The following ZC2HC1B variants were observed in gnomAD, a reference collection of about 807,000 sequenced individuals.
ZC2HC1B encodes zinc finger C2HC domain-containing protein 1B.
In ZC2HC1B, 36 loss-of-function variants were observed where a neutral mutation model predicts 31.0. The observed-to-expected ratio is 1.16, with a 90% CI of 0.89 to 1.54. The LOEUF is 1.54. Ranked by LOEUF, ZC2HC1B falls within the 40% of genes most tolerant of loss-of-function variation. The probability of loss-of-function intolerance (pLI) is 0.00; values close to 1 mark genes in which losing one functional copy is unlikely to be tolerated. For synonymous variants in ZC2HC1B, 73 were observed against 88.0 expected, an observed-to-expected ratio of 0.83 and a Z score of 0.95; for missense variants, 260 against 268.6, an observed-to-expected ratio of 0.97 and a Z score of 0.22.
At chr6:143,889,649 C>T (rs1777573943) in intron 4 of ZC2HC1B, among the ~76,000 whole-genome samples, 1 of 152,028 alleles carries the variant, frequency 6.6e-6, no homozygotes, top group Non-Finnish European at 1.5e-5. Context: ...AGTAACAGAG[C>T]TTCTAAGAAT....
chr6:143,926,241 T>C (rs1778040489), intron 6 of ZC2HC1B, among the ~76,000 whole-genome samples: 1 of 152,216 alleles, frequency 6.6e-6, no homozygotes, highest in Admixed American at 6.5e-5. Flanking sequence ...TTTCTACTTC[T>C]TGATATACGC....
At chr6:143,901,542 G>A (rs552863607) in intron 5 of ZC2HC1B, among the ~76,000 whole-genome samples, 1 of 152,218 alleles carries the variant, frequency 6.6e-6, no homozygotes, top group South Asian at 2.1e-4. Flanking sequence ...TTACAGGCAT[G>A]AGACCCCGTG....
rs1777494972 is a variant in ZC2HC1B, at chr6:143,883,553, T to G, written c.29-751T>G. Among the ~76,000 whole-genome samples the G allele has an allele frequency of 6.6e-6, 1 of 152,228 alleles. No individual in the cohort carries two copies. Among genetic ancestry groups the G allele is most frequent in the African/African-American group, 2.4e-5 (1 of 41,462 alleles). On this transcript the variant is annotated intron_variant, in intron 1 of 7. Coordinates refer to ENST00000237275, the MANE Select transcript of ZC2HC1B (RefSeq NM_001013623.3). The surrounding 1 kb of genome is among the most constrained non-coding windows in gnomAD (Gnocchi z 4.1). ...CCTCAAACTGCTTTTTTTATTAACC[T>G]AAGACATCATAGCTTTGATAGAAGT...
In ZC2HC1B at chr6:143,903,555, T is replaced by C. The variant is rs1311446261; in HGVS notation, c.598+403T>C. ...TATGTCCTGATAAGCCCATTGTAAATAGAAATATTATAAGTCAAAAATGCA... is the reference window on the plus strand; with the variant it reads ...TATGTCCTGATAAGCCCATTGTAAACAGAAATATTATAAGTCAAAAATGCA... On this transcript the variant is annotated intron_variant, in intron 6 of 7. Coordinates refer to ENST00000237275, the MANE Select transcript of ZC2HC1B (RefSeq NM_001013623.3). This position sits in a 1 kb window ranked among gnomAD's most constrained non-coding sequence, Gnocchi z 4.3. Among the ~76,000 whole-genome samples the C allele has an allele frequency of 6.6e-6, 1 of 152,200 alleles. No homozygotes were observed. The highest frequency in any genetic ancestry group is 1.5e-5 in the Non-Finnish European group (1 of 68,034).
chr6:143,879,278 T>G (rs1215926590), intron 1 of ZC2HC1B, among the ~76,000 whole-genome samples: 1 of 152,228 alleles, frequency 6.6e-6, no homozygotes, highest in Non-Finnish European at 1.5e-5. Context: ...CTATTAGCTT[T>G]CCAAATTTTA....
intron 1 of ZC2HC1B, among the ~76,000 whole-genome samples, chr6:143,867,839 C>T (rs1267426594): frequency 6.6e-6 from 1 of 152,336 alleles, no homozygotes; most frequent in East Asian, 1.9e-4. Flanking sequence ...GCCCAGCTAT[C>T]ATACTGGGAA....
chr6:143,915,498 G>C lies in ZC2HC1B; in HGVS notation c.598+12346G>C, dbSNP rs1777906713. Among the ~76,000 whole-genome samples, 1 of 152,226 alleles carries C rather than the reference G, an allele frequency of 6.6e-6. No homozygotes were observed. The highest frequency in any genetic ancestry group is 2.1e-4 in the South Asian group (1 of 4,834). On this transcript the variant is annotated intron_variant, in intron 6 of 7. Coordinates refer to ENST00000237275, the MANE Select transcript of ZC2HC1B (RefSeq NM_001013623.3). The surrounding 1 kb of genome is among the most constrained non-coding windows in gnomAD (Gnocchi z 5.2). ...AAATGTGGAAGTGACTTTGGAACAG[G>C]GTAACAGGCAGAGGTTGGAACAGTT... is the stretch of plus-strand genomic sequence containing the variant.
intron 6 of ZC2HC1B, among the ~76,000 whole-genome samples, chr6:143,909,945 T>G (rs1044199512): frequency 6.6e-6 from 1 of 152,222 alleles, no homozygotes; most frequent in Non-Finnish European, 1.5e-5. Context: ...ATTTCTTGTC[T>G]TCTACTAGCT....
Position 143,922,071 on chromosome 6 carries a change from G to A in ZC2HC1B, c.599-15578G>A, listed in dbSNP as rs569364803. The stretch of plus-strand genomic sequence containing the variant: ...TCTCTAAAGTGTTTAAGGACTTGGA[G>A]AAAAGTACCAAATGCCTTTCGTTGA... On this transcript the variant is annotated intron_variant, in intron 6 of 7. Coordinates refer to ENST00000237275, the MANE Select transcript of ZC2HC1B (RefSeq NM_001013623.3). The surrounding 1 kb of genome is among the most constrained non-coding windows in gnomAD (Gnocchi z 5.0). Among the ~76,000 whole-genome samples, 1 of 152,212 alleles carries A rather than the reference G, an allele frequency of 6.6e-6. No individual in the cohort carries two copies. The highest frequency in any genetic ancestry group is 1.5e-5 in the Non-Finnish European group (1 of 68,040).
At position 143,871,740 on chromosome 6, in the gene ZC2HC1B, A is replaced by G. The variant is rs1777339413; in HGVS notation, c.28+7173A>G. Among the ~76,000 whole-genome samples the G allele has an allele frequency of 1.3e-5, 2 of 152,178 alleles. No homozygotes were observed. Among genetic ancestry groups the G allele is most frequent in the Admixed American group, 1.3e-4 (2 of 15,272 alleles). On this transcript the variant is annotated intron_variant, in intron 1 of 7. Transcript: ENST00000237275. This position sits in a 1 kb window ranked among gnomAD's most constrained non-coding sequence, Gnocchi z 4.1. The stretch of plus-strand genomic sequence containing the variant: ...TTTTTGATTTACTATTTTTCTAGGT[A>G]AAGACAGTGCTTATGGCTTCCATTT...
At chr6:143,873,477 C>T (rs930595424) in intron 1 of ZC2HC1B, among the ~76,000 whole-genome samples, 3 of 152,220 alleles carry the variant, frequency 2.0e-5, no homozygotes, top group Admixed American at 1.3e-4. Context: ...TGTGTGGGGG[C>T]TCTACCCCCA....
At position 143,899,119 on chromosome 6, in the gene ZC2HC1B, T is replaced by C. The variant is rs146237156; in HGVS notation, c.489+428T>C. On this transcript the variant is annotated intron_variant, in intron 5 of 7. Transcript: ENST00000237275. The surrounding 1 kb of genome is among the most constrained non-coding windows in gnomAD (Gnocchi z 5.0). Reference sequence around the variant, plus strand: ...TAGAGGAGGGGTCTTCACCTTTTATTTAAAGTCACAGAATCAGCAAGTTAA... The same window carrying C: ...TAGAGGAGGGGTCTTCACCTTTTATCTAAAGTCACAGAATCAGCAAGTTAA... Among the ~76,000 whole-genome samples the C allele has an allele frequency of 6.6e-6, 1 of 152,134 alleles. No individual in the cohort carries two copies. Among genetic ancestry groups the C allele is most frequent in the Non-Finnish European group, 1.5e-5 (1 of 68,024 alleles).
Position 143,918,404 on chromosome 6 carries a change from C to G in ZC2HC1B, c.598+15252C>G, listed in dbSNP as rs1777941978. Reference sequence around the variant, plus strand: ...ATGTTGGCCCACTGTGTTTCATCCTCCATGGTTTCTGATGAGAAGTCTGCT... The same window carrying G: ...ATGTTGGCCCACTGTGTTTCATCCTGCATGGTTTCTGATGAGAAGTCTGCT... On this transcript the variant is annotated intron_variant, in intron 6 of 7. Transcript: ENST00000237275. The surrounding 1 kb of genome is among the most constrained non-coding windows in gnomAD (Gnocchi z 4.1). 6.6e-6 allele frequency among the ~76,000 whole-genome samples: 1 copy of G among 152,136 alleles called. No homozygotes were observed. The highest frequency in any genetic ancestry group is 1.5e-5 in the Non-Finnish European group (1 of 68,026).
intron 1 of ZC2HC1B, among the ~76,000 whole-genome samples, chr6:143,882,406 G>A (rs1777480727): frequency 7.6e-6 from 1 of 132,386 alleles, no homozygotes; most frequent in Non-Finnish European, 1.6e-5. Context: ...AAAAGAACAG[G>A]GAGGGCAAGA....
chr6:143,937,946 T>C (rs907784168), intron 7 of ZC2HC1B, among the ~76,000 whole-genome samples, 196 bp from the exon 8 acceptor site: 10 of 152,224 alleles, frequency 6.6e-5, no homozygotes, highest in African/African-American at 2.4e-4. Context: ...GAAAGGGGAA[T>C]GATCCCTCAC....
chr6:143,902,891 G>A (rs557983684), intron 5 of ZC2HC1B, among the ~76,000 whole-genome samples, 153 bp from the exon 6 acceptor site: 3 of 152,296 alleles, frequency 2.0e-5, no homozygotes, highest in South Asian at 4.1e-4. Context: ...GAAGTGCAGG[G>A]TGTGTGTCTG....
At chr6:143,891,112 CAG>C (rs1268126313) in intron 4 of ZC2HC1B, among the ~76,000 whole-genome samples, 32 of 127,884 alleles carry the variant, frequency 2.5e-4, no homozygotes, top group African/African-American at 8.9e-4. Flanking sequence ...TCCTGGGTGA[CAG>C]AGCAAGACTC....
In ZC2HC1B at chr6:143,869,370, C is replaced by T. The variant is rs1777308775; in HGVS notation, c.28+4803C>T. ...TTGTTGTAATTGTGACTTCAAAAGG[C>T]CATCCCACCGTTATATCAATCCAAC... is the stretch of plus-strand genomic sequence containing the variant. On this transcript the variant is annotated intron_variant, in intron 1 of 7. Coordinates refer to ENST00000237275, the MANE Select transcript of ZC2HC1B (RefSeq NM_001013623.3). The surrounding 1 kb of genome is among the most constrained non-coding windows in gnomAD (Gnocchi z 5.2). 6.6e-6 allele frequency among the ~76,000 whole-genome samples: 1 copy of T among 152,176 alleles called. No homozygotes were observed. The highest frequency in any genetic ancestry group is 2.4e-5 in the African/African-American group (1 of 41,430).
rs1040034636 is a variant in ZC2HC1B, at chr6:143,899,844, T to C, written c.489+1153T>C. On this transcript the variant is annotated intron_variant, in intron 5 of 7. Coordinates refer to ENST00000237275, the MANE Select transcript of ZC2HC1B (RefSeq NM_001013623.3). This position sits in a 1 kb window ranked among gnomAD's most constrained non-coding sequence, Gnocchi z 5.0. ...CCAGAAACTGCGCTAGGTACTGGTT[T>C]GATCAAGAATTTGTCATTGAAAGAT... is the stretch of plus-strand genomic sequence containing the variant. Among the ~76,000 whole-genome samples the C allele has an allele frequency of 6.6e-6, 1 of 152,230 alleles. No individual in the cohort carries two copies. Among genetic ancestry groups the C allele is most frequent in the Non-Finnish European group, 1.5e-5 (1 of 68,042 alleles).
Sources: allele counts gnomAD v4.1 joint callset (sites outside exome capture counted in the v4.1 genomes callset), GRCh38; gene constraint gnomAD v4.1.1; non-coding constraint Gnocchi (gnomAD v3.1); transcripts MANE v1.5; gene names NCBI Gene and HGNC (gene_info 2026-07-23, HGNC 2026-07-21).